MACROD2: variants seen among roughly 807,000 people sequenced by gnomAD.
MACROD2 encodes mono-ADP ribosylhydrolase 2, also known as ADP-ribose glycohydrolase MACROD2.
A neutral mutation model predicts 70.4 loss-of-function variants in MACROD2; 36 were observed. That is an observed-to-expected ratio of 0.51 (90% CI 0.39 to 0.68). The LOEUF (loss-of-function observed/expected upper bound fraction) is 0.68, where lower values mean the gene tolerates loss of function less well. Ranked by LOEUF, MACROD2 falls within the 30% of genes least tolerant of loss-of-function variation. MACROD2 has a pLI of 0.00. For synonymous variants in MACROD2, 172 were observed against 178.8 expected, an observed-to-expected ratio of 0.96 and a Z score of 0.30; for missense variants, 496 against 538.4, an observed-to-expected ratio of 0.92 and a Z score of 0.78.
chr20:15,918,689 A>G (rs776587514), intron 10 of MACROD2, among the ~76,000 whole-genome samples: 5 of 152,220 alleles, frequency 3.3e-5, no homozygotes, highest in African/African-American at 4.8e-5. Context: ...TGCTGAGAAG[A>G]TAGAAAGACC....
chr20:15,460,977 CATAT>C (rs1157335873), intron 7 of MACROD2, among the ~76,000 whole-genome samples: 3,379 of 69,734 alleles, frequency 0.048, 226 homozygotes, highest in East Asian at 0.14. Context: ...TCTCTCTCTC[CATAT>C]ATATATATAT....
chr20:15,940,237 T>C (rs939934081), intron 12 of MACROD2, among the ~76,000 whole-genome samples: 24 of 148,694 alleles, frequency 1.6e-4, no homozygotes, highest in Non-Finnish European at 1.9e-4. Context: ...ATTACATGCA[T>C]GCACCACCAC....
At chr20:14,359,457 C>A (rs2083202315) in intron 3 of MACROD2, among the ~76,000 whole-genome samples, 1 of 152,090 alleles carries the variant, frequency 6.6e-6, no homozygotes, top group East Asian at 1.9e-4. Context: ...TCATCAATCC[C>A]AATACTAGGT....
intron 2 of MACROD2, chr20:14,051,923 A>C (rs1016417460): frequency 1.9e-6 from 1 of 518,020 alleles, no homozygotes; most frequent in African/African-American, 1.9e-5. Flanking sequence ...ATCATTCAGG[A>C]TGCATCTCTC....
At chr20:14,914,066 C>T (rs1439939720) in intron 5 of MACROD2, among the ~76,000 whole-genome samples, 1 of 152,146 alleles carries the variant, frequency 6.6e-6, no homozygotes, top group African/African-American at 2.4e-5. Flanking sequence ...AAGGAAATTC[C>T]CCAAGTCCAG....
intron 8 of MACROD2, among the ~76,000 whole-genome samples, chr20:15,740,994 C>G (rs1429153547): frequency 6.6e-6 from 1 of 151,940 alleles, no homozygotes; most frequent in Non-Finnish European, 1.5e-5. Context: ...GAAATGATGT[C>G]TCATCTCTGC....
intron 3 of MACROD2, among the ~76,000 whole-genome samples, chr20:14,361,112 ACTTATGTG>A (rs1468271340): frequency 6.6e-6 from 1 of 152,156 alleles, no homozygotes; most frequent in Non-Finnish European, 1.5e-5. Flanking sequence ...CTACTTATGT[ACTTATGTG>A]CCAAGGCCAT....
At chr20:14,844,084 C>T (rs2073114181) in intron 5 of MACROD2, among the ~76,000 whole-genome samples, 1 of 152,108 alleles carries the variant, frequency 6.6e-6, no homozygotes, top group Non-Finnish European at 1.5e-5. Flanking sequence ...GGCCTTCCAC[C>T]TCATGGTTCA....
intron 5 of MACROD2, among the ~76,000 whole-genome samples, chr20:14,938,588 C>A (rs1219296315): frequency 1.3e-5 from 2 of 151,968 alleles, no homozygotes; most frequent in African/African-American, 4.8e-5. Context: ...CAAGACCAGC[C>A]TGGCCAATAT....
chr20:14,585,868 A>G lies in MACROD2; in HGVS notation c.301+92360A>G, dbSNP rs78093016. ...TTTAGGTGAGATATTCAAGGTGTGT[A>G]GCTTTCTATGTAATTTCCTTAACTT... On this transcript the variant is annotated intron_variant, in intron 4 of 17. Transcript: ENST00000684519. Among the ~76,000 whole-genome samples the G allele has an allele frequency of 6.0e-4, 91 of 152,318 alleles. 2 individuals are homozygous for G. In the East Asian group the frequency reaches 0.017, roughly 28 times the overall value.
intron 3 of MACROD2, among the ~76,000 whole-genome samples, chr20:14,344,011 A>C (rs2083040622): frequency 6.6e-6 from 1 of 152,174 alleles, no homozygotes; most frequent in Admixed American, 6.5e-5. Context: ...TGAAATTGTC[A>C]GATTTTTTTT....
intron 7 of MACROD2, among the ~76,000 whole-genome samples, chr20:15,492,154 A>G (rs1329882704): frequency 6.6e-6 from 1 of 152,100 alleles, no homozygotes. Context: ...CCTTAGCCAG[A>G]ATGGTCTGAG....
chr20:15,050,531 G>GTTT (rs1433660917), intron 5 of MACROD2, among the ~76,000 whole-genome samples: 10 of 92,530 alleles, frequency 1.1e-4, no homozygotes, highest in South Asian at 3.6e-4. Flanking sequence ...TTCTATTTAG[G>GTTT]TCTTTTTTTT....
intron 6 of MACROD2, among the ~76,000 whole-genome samples, chr20:15,250,727 A>G (rs1431629303): frequency 2.0e-5 from 3 of 151,914 alleles, no homozygotes; most frequent in Admixed American, 1.3e-4. Context: ...TATCCTTTGG[A>G]TCTCAGCTCT....
At chr20:14,787,521 C>T (rs931214489) in intron 5 of MACROD2, among the ~76,000 whole-genome samples, 1 of 151,958 alleles carries the variant, frequency 6.6e-6, no homozygotes, top group African/African-American at 2.4e-5. Context: ...GAGTCTTGGC[C>T]CCTTTCATCT....
At chr20:14,961,516 T>C (rs2033575071) in intron 5 of MACROD2, among the ~76,000 whole-genome samples, 1 of 152,088 alleles carries the variant, frequency 6.6e-6, no homozygotes, top group Non-Finnish European at 1.5e-5. Flanking sequence ...AAGTTGTGTG[T>C]TTTTTGGGTT....
chr20:14,728,005 G>A (rs950660825), intron 5 of MACROD2, among the ~76,000 whole-genome samples: 3 of 152,032 alleles, frequency 2.0e-5, no homozygotes, highest in African/African-American at 4.8e-5. Context: ...CCAGAATTCT[G>A]TTTCCACTTA....
chr20:15,248,961 G>A (rs2021913), intron 6 of MACROD2, among the ~76,000 whole-genome samples: 24,959 of 152,194 alleles, frequency 0.16, 2,437 homozygotes, highest in African/African-American at 0.27. Context: ...GCTCCATGAG[G>A]GAGTAGGGAA....
Position 14,385,605 on chromosome 20 carries a change from C to T in MACROD2, c.272-107874C>T, listed in dbSNP as rs375739558. Among the ~76,000 whole-genome samples the T allele has an allele frequency of 2.6e-5, 4 of 152,260 alleles. No individual in the cohort carries two copies. The East Asian group carries it at 7.7e-4, about 29-fold the overall frequency. On this transcript the variant is annotated intron_variant, in intron 3 of 17. Transcript: ENST00000684519. Reference sequence around the variant, plus strand: ...TGTTTCCTTAACTGATTTTAATGGACTTCCAAAACAATCAAGGGCAGTGGG... The same window carrying T: ...TGTTTCCTTAACTGATTTTAATGGATTTCCAAAACAATCAAGGGCAGTGGG...
Sources: allele counts gnomAD v4.1 joint callset (sites outside exome capture counted in the v4.1 genomes callset), GRCh38; gene constraint gnomAD v4.1.1; transcripts MANE v1.5; gene names NCBI Gene and HGNC (gene_info 2026-07-23, HGNC 2026-07-21).